The following TANC2 variants were observed in gnomAD, a reference collection of about 807,000 sequenced individuals.
The protein encoded by TANC2 is tetratricopeptide repeat, ankyrin repeat and coiled-coil containing 2.
A neutral mutation model predicts 210.5 loss-of-function variants in TANC2; 26 were observed. That is an observed-to-expected ratio of 0.12 (90% CI 0.09 to 0.17). The LOEUF (loss-of-function observed/expected upper bound fraction) is 0.17. TANC2 is among the 10% of genes least tolerant of loss of function. The pLI, the probability that TANC2 is intolerant of heterozygous loss-of-function variation, is 1.00. For missense variants in TANC2, 2,129 were observed against 2,608.9 expected (o/e 0.82, Z 4.01); for synonymous variants, 931 against 967.1 (o/e 0.96, Z 0.69).
chr17:63,032,117 C>T (rs955133279), intron 2 of TANC2, among the ~76,000 whole-genome samples: 8 of 152,178 alleles, frequency 5.3e-5, no homozygotes, highest in African/African-American at 1.9e-4. Context: ...CATTCTCTTG[C>T]AACCTTGCAC....
At chr17:63,245,398 A>G (rs1322539010) in intron 8 of TANC2, among the ~76,000 whole-genome samples, 2 of 152,208 alleles carry the variant, frequency 1.3e-5, no homozygotes, top group Non-Finnish European at 2.9e-5. Flanking sequence ...TATGTAAATC[A>G]TACCAGTTTT....
chr17:63,410,346 C>CG lies in TANC2; in HGVS notation c.3590-1165_3590-1164insG, dbSNP rs1555654879. On this transcript the variant is annotated intron_variant, in intron 21 of 27. Transcript: ENST00000689528. ...ACCAACATCTCTCCAATCCCCCCCC[C>CG]CCATCTCCTAGTTTCTGGTAACCAC... 3.3e-3 allele frequency among the ~76,000 whole-genome samples: 421 copies of CG among 128,226 alleles called. 4 individuals are homozygous for CG. Among genetic ancestry groups the CG allele is most frequent in the African/African-American group, 0.015 (364 of 24,208 alleles). 84.1% of individuals were successfully genotyped at this position (128,226 alleles called of 152,430 possible). A position where few individuals can be genotyped will look rare whatever the true frequency, so the allele number is the denominator to read the frequency against.
intron 9 of TANC2, among the ~76,000 whole-genome samples, chr17:63,291,493 T>C (rs966800248): frequency 5.9e-5 from 9 of 152,188 alleles, no homozygotes. Context: ...TGACAAGAAC[T>C]GTAGTAACAC....
At chr17:63,236,296 A>T (rs1304076171) in intron 7 of TANC2, among the ~76,000 whole-genome samples, 1 of 151,964 alleles carries the variant, frequency 6.6e-6, no homozygotes, top group Non-Finnish European at 1.5e-5. Flanking sequence ...TGATACATGA[A>T]TTTTTTTAGT....
At chr17:63,013,759 CT>C (rs1242685935) in intron 2 of TANC2, among the ~76,000 whole-genome samples, 9 of 43,612 alleles carry the variant, frequency 2.1e-4, no homozygotes, top group Non-Finnish European at 3.4e-4. Context: ...GAGACCCTGT[CT>C]TTAAAAAAAA....
In TANC2 at chr17:63,420,094, A is replaced by G; in HGVS notation, c.4364A>G (p.Glu1455Gly). ...AGACTTCTGCTGAGAGTGGAAGAAG[A>G]GTGTAGACAGATGCAGCAGCCACAG... Residue 1455 changes from glutamate (E) to glycine (G), a missense_variant, in exon 28 of 28, where the codon GAG becomes GGG. Around this residue, in one of 5 missense-constraint regions of TANC2, gnomAD observed 584 missense variants for 627.3 expected, o/e 0.93. Coordinates refer to ENST00000689528, the Ensembl canonical transcript of TANC2. This position sits in a 1 kb window ranked among gnomAD's most constrained non-coding sequence, Gnocchi z 4.2. The G allele has an allele frequency of 6.4e-7, 1 of 1,552,188 alleles. No individual in the cohort carries two copies. The highest frequency in any genetic ancestry group is 8.7e-7 in the Non-Finnish European group (1 of 1,147,174).
chr17:63,059,816 A>T (rs947437298), intron 2 of TANC2, among the ~76,000 whole-genome samples: 1 of 152,118 alleles, frequency 6.6e-6, no homozygotes, highest in Non-Finnish European at 1.5e-5. Context: ...GGGATGTCAG[A>T]TGTTCCAGGT....
At chr17:63,212,400 A>G (rs1205437762) in intron 7 of TANC2, among the ~76,000 whole-genome samples, 1 of 152,166 alleles carries the variant, frequency 6.6e-6, no homozygotes, top group Non-Finnish European at 1.5e-5. Flanking sequence ...ATATTGCCAT[A>G]CATAAAAATA....
intron 2 of TANC2, among the ~76,000 whole-genome samples, chr17:63,021,141 A>C (rs2034330994): frequency 6.6e-6 from 1 of 152,218 alleles, no homozygotes; most frequent in African/African-American, 2.4e-5. Flanking sequence ...TATCCATTGC[A>C]TATTGAACTT....
At chr17:63,087,903 A>G (rs1333665659) in intron 3 of TANC2, among the ~76,000 whole-genome samples, 2 of 152,158 alleles carry the variant, frequency 1.3e-5, no homozygotes, top group Non-Finnish European at 2.9e-5. Flanking sequence ...TCCCTTCTCT[A>G]AAGAATGTAA....
chr17:62,976,391 C>G (rs1308174055), intron 1 of TANC2, among the ~76,000 whole-genome samples: 1 of 151,260 alleles, frequency 6.6e-6, no homozygotes, highest in Non-Finnish European at 1.5e-5. Flanking sequence ...TTTTTGTAAT[C>G]TTTCTTTTTT....
intron 1 of TANC2, among the ~76,000 whole-genome samples, chr17:63,001,530 C>CT (rs534398376): frequency 0.2 from 27,898 of 139,992 alleles, 2,864 homozygotes; most frequent in Non-Finnish European, 0.25. Context: ...CTTTTCTTTT[C>CT]TTTTTTTTTT....
At position 63,420,343 on chromosome 17, in the gene TANC2, A is replaced by C; in HGVS notation, c.4613A>C (p.Tyr1538Ser). ...TCTCCCCCGCATCGGGACTCAGCCT[A>C]CATCTCCAGCTCACCTCTTGGCTCT... Residue 1538 changes from tyrosine to serine, a missense_variant, in exon 28 of 28, where the codon TAC (tyrosine) becomes TCC (serine). By Grantham distance (144) the Tyr-to-Ser change is moderately radical. Around this residue, in one of 5 missense-constraint regions of TANC2, gnomAD observed 584 missense variants for 627.3 expected, o/e 0.93. Coordinates refer to ENST00000689528, the Ensembl canonical transcript of TANC2. This position sits in a 1 kb window ranked among gnomAD's most constrained non-coding sequence, Gnocchi z 4.2. The C allele has an allele frequency of 6.2e-7, 1 of 1,613,854 alleles. No individual in the cohort carries two copies.
In TANC2 at chr17:63,064,719, A is replaced by G. The variant is rs146302941; in HGVS notation, c.68-9224A>G. On this transcript the variant is annotated intron_variant, in intron 2 of 27. Transcript: ENST00000689528. ...GGATTTTATTGTCTCTGGATAATCT[A>G]TTAATCTTTATATACTGTTTATTGT... 2.4e-3 allele frequency among the ~76,000 whole-genome samples: 364 copies of G among 152,246 alleles called. 4 individuals are homozygous for G. Among genetic ancestry groups the G allele is most frequent in the African/African-American group, 8.0e-3 (332 of 41,568 alleles).
rs533273741 is a variant in TANC2, at chr17:63,230,447, C to T, written c.770-7367C>T. Among the ~76,000 whole-genome samples, 9 of 152,256 alleles carry T rather than the reference C, an allele frequency of 5.9e-5. No individual in the cohort carries two copies. The East Asian group carries it at 1.7e-3, about 29-fold the overall frequency. The stretch of plus-strand genomic sequence containing the variant: ...GCTGTAAATTTCCCTCCAAACACTG[C>T]TTTAGCTGTGTCCCAGAGATTCTGG... On this transcript the variant is annotated intron_variant, in intron 7 of 27. Transcript: ENST00000689528.
chr17:63,364,463 T>G (rs924140982), intron 14 of TANC2, among the ~76,000 whole-genome samples: 2 of 152,206 alleles, frequency 1.3e-5, no homozygotes, highest in Non-Finnish European at 2.9e-5. Flanking sequence ...TAAAAACTTA[T>G]GAGAGATTTC....
At chr17:63,417,181 C>G (rs1451828308) in intron 26 of TANC2, among the ~76,000 whole-genome samples, 1 of 152,158 alleles carries the variant, frequency 6.6e-6, no homozygotes, top group Non-Finnish European at 1.5e-5. Flanking sequence ...GTGCCAAACA[C>G]CAGACGTCTG....
At chr17:63,331,782 A>G (rs781480863) in intron 11 of TANC2, among the ~76,000 whole-genome samples, 21 of 152,226 alleles carry the variant, frequency 1.4e-4, no homozygotes, top group Non-Finnish European at 2.2e-4. Context: ...ACAACCTTGT[A>G]CAGAACAGTG....
At chr17:63,294,768 T>A (rs1294780093) in intron 9 of TANC2, among the ~76,000 whole-genome samples, 1 of 152,216 alleles carries the variant, frequency 6.6e-6, no homozygotes, top group African/African-American at 2.4e-5. Context: ...TGGAATGCTT[T>A]TAGAAGGGTG....
Sources: allele counts gnomAD v4.1 joint callset (sites outside exome capture counted in the v4.1 genomes callset), GRCh38; gene constraint gnomAD v4.1.1; regional missense constraint gnomAD v4.1.1; non-coding constraint Gnocchi (gnomAD v3.1); transcripts MANE v1.5; gene names NCBI Gene and HGNC (gene_info 2026-07-23, HGNC 2026-07-21).